The following EIF4E3 variants were observed in gnomAD, a reference collection of about 807,000 sequenced individuals.
EIF4E3 encodes eukaryotic translation initiation factor 4E family member 3, also known as eukaryotic translation initiation factor 4E type 3.
Under a neutral mutation model 31.7 loss-of-function variants are expected in EIF4E3, and 26 were observed. That is an observed-to-expected ratio of 0.82 (90% CI 0.60 to 1.14). EIF4E3 has a LOEUF of 1.14. EIF4E3 is among the 50% of genes most tolerant of loss of function. The pLI, the probability that EIF4E3 is intolerant of heterozygous loss-of-function variation, is 0.00. For synonymous variants in EIF4E3, 128 were observed against 107.7 expected (o/e 1.19, Z -1.17); for missense variants, 304 against 270.9 (o/e 1.12, Z -0.86).
intron 1 of EIF4E3, among the ~76,000 whole-genome samples, chr3:71,712,651 T>C (rs2049398375): frequency 6.8e-6 from 1 of 147,154 alleles, no homozygotes; most frequent in Non-Finnish European, 1.5e-5. Context: ...GGGGAGATTC[T>C]AGGGCTCAAA....
At chr3:71,716,401 T>C (rs1179165052) in intron 1 of EIF4E3, among the ~76,000 whole-genome samples, 1 of 152,022 alleles carries the variant, frequency 6.6e-6, no homozygotes, top group African/African-American at 2.4e-5. Context: ...CCCAGCTAAT[T>C]TTTTTGTATT....
intron 2 of EIF4E3, among the ~76,000 whole-genome samples, chr3:71,701,533 G>C (rs1245888525): frequency 6.6e-6 from 1 of 152,164 alleles, no homozygotes; most frequent in Non-Finnish European, 1.5e-5. Flanking sequence ...GTGCAAATAA[G>C]AAATATTGTT....
chr3:71,695,886 G>T (rs1417089229), intron 4 of EIF4E3, among the ~76,000 whole-genome samples: 1 of 152,158 alleles, frequency 6.6e-6, no homozygotes, highest in Non-Finnish European at 1.5e-5. Context: ...GCTCACTCTG[G>T]GAAATCTGGG....
chr3:71,749,934 A>G (rs1441186605), intron 1 of EIF4E3, among the ~76,000 whole-genome samples: 1 of 152,182 alleles, frequency 6.6e-6, no homozygotes, highest in East Asian at 1.9e-4. Flanking sequence ...TTCCTTAAGT[A>G]TTAATCTACT....
chr3:71,709,681 A>C (rs1160521394), intron 2 of EIF4E3, among the ~76,000 whole-genome samples: 2 of 152,122 alleles, frequency 1.3e-5, no homozygotes, highest in African/African-American at 2.4e-5. Context: ...ACGCCTGGCC[A>C]GTTGTGTTTT....
At chr3:71,721,137 T>C (rs573354868) in intron 1 of EIF4E3, among the ~76,000 whole-genome samples, 1 of 152,196 alleles carries the variant, frequency 6.6e-6, no homozygotes, top group Non-Finnish European at 1.5e-5. Context: ...CGAAGAGAGC[T>C]GAAGGCTGGA....
chr3:71,731,561 C>A (rs1314411551), intron 1 of EIF4E3, among the ~76,000 whole-genome samples: 17 of 152,190 alleles, frequency 1.1e-4, no homozygotes, highest in Non-Finnish European at 2.2e-4. Context: ...CTTTGTCCAC[C>A]CAGTGCCTAG....
At position 71,678,272 on chromosome 3, in the gene EIF4E3, G is replaced by A. The variant is rs993491574; in HGVS notation, c.*6410C>T. The A allele has an allele frequency of 6.6e-6, 1 of 152,154 alleles. No homozygotes were observed. Among genetic ancestry groups the A allele is most frequent in the African/African-American group, 2.4e-5 (1 of 41,438 alleles). 9.4% of individuals were successfully genotyped at this position (152,154 alleles called of 1,614,324 possible). ...CTATAAGAACCTCAATACAGAATGA[G>A]AATTAGTAGCAACAGATTACAAAAG... On this transcript the variant is annotated 3_prime_UTR_variant, in exon 7 of 7. Transcript: ENST00000425534.
intron 2 of EIF4E3, 52 bp from the exon 3 acceptor site, chr3:71,699,760 A>C: frequency 1.4e-6 from 2 of 1,455,448 alleles, no homozygotes; most frequent in South Asian, 1.2e-5. Context: ...TTGATTTATT[A>C]TGCTGCTAGA....
In EIF4E3 at chr3:71,678,244, A is replaced by G. The variant is rs1282009956; in HGVS notation, c.*6438T>C. On this transcript the variant is annotated 3_prime_UTR_variant, in exon 7 of 7. Transcript: ENST00000425534. Reference sequence around the variant, plus strand: ...ACTGGAGGATGAAAATGACATTTCTATACTATAAGAACCTCAATACAGAAT... The same window carrying G: ...ACTGGAGGATGAAAATGACATTTCTGTACTATAAGAACCTCAATACAGAAT... 1.3e-5 allele frequency: 2 copies of G among 152,208 alleles called. No homozygotes were observed. The highest frequency in any genetic ancestry group is 6.5e-5 in the Admixed American group (1 of 15,280). 9.4% of individuals were successfully genotyped at this position (152,208 alleles called of 1,614,324 possible).
intron 1 of EIF4E3, among the ~76,000 whole-genome samples, chr3:71,712,906 T>C (rs1264233538): frequency 6.6e-6 from 1 of 151,500 alleles, no homozygotes; most frequent in Non-Finnish European, 1.5e-5. Context: ...TGGTTCTTTT[T>C]AAATGCCTCC....
intron 3 of EIF4E3, among the ~76,000 whole-genome samples, chr3:71,698,251 G>A (rs1417695618): frequency 6.6e-6 from 1 of 152,204 alleles, no homozygotes; most frequent in East Asian, 1.9e-4. Flanking sequence ...CAGGGAGGGT[G>A]AAAGGACTTG....
At chr3:71,750,168 C>T (rs1197120646) in intron 1 of EIF4E3, among the ~76,000 whole-genome samples, 7 of 152,156 alleles carry the variant, frequency 4.6e-5, no homozygotes, top group Non-Finnish European at 8.8e-5. Context: ...AAAAATAAAT[C>T]TCTCCCCATT....
chr3:71,697,623 T>C (rs567663813), intron 3 of EIF4E3, among the ~76,000 whole-genome samples: 1 of 149,098 alleles, frequency 6.7e-6, no homozygotes, highest in Non-Finnish European at 1.5e-5. Context: ...AGTTCAGGGT[T>C]TTTTTTTTTT....
intron 1 of EIF4E3, among the ~76,000 whole-genome samples, chr3:71,711,100 G>C (rs1281494177): frequency 6.6e-6 from 1 of 152,136 alleles, no homozygotes. Flanking sequence ...TCTTTAGTTT[G>C]CTATGTGTTC....
upstream of EIF4E3, among the ~76,000 whole-genome samples, chr3:71,753,869 G>C (rs1208957072): frequency 6.7e-6 from 1 of 148,604 alleles, no homozygotes; most frequent in Non-Finnish European, 1.5e-5. Context: ...CTGAGATGGC[G>C]GCGGCGGCAC....
In EIF4E3 at chr3:71,701,024, C is replaced by G. The variant is rs543489654; in HGVS notation, c.250-1316G>C. Among the ~76,000 whole-genome samples the G allele has an allele frequency of 8.5e-5, 13 of 152,226 alleles. No homozygotes were observed. The South Asian group carries it at 2.7e-3, about 32-fold the overall frequency. Reference sequence around the variant, plus strand: ...GATACAAGGAGAGGATGGCCATGTACAAACGAGGAAGAGGGCCCTCACCTG... The same window carrying G: ...GATACAAGGAGAGGATGGCCATGTAGAAACGAGGAAGAGGGCCCTCACCTG... On this transcript the variant is annotated intron_variant, in intron 2 of 6. Coordinates refer to ENST00000425534, the MANE Select transcript of EIF4E3 (RefSeq NM_001134651.2).
In EIF4E3 at chr3:71,677,009, G is replaced by C. The variant is rs1346614222; in HGVS notation, c.*7673C>G. On this transcript the variant is annotated 3_prime_UTR_variant, in exon 7 of 7. Coordinates refer to ENST00000425534, the MANE Select transcript of EIF4E3 (RefSeq NM_001134651.2). ...TTCCTGAGTTAAAGAGGAAATTGGGGAGTAAGAGCTTGTCCACATCTTTAA... is the reference window on the plus strand; with the variant it reads ...TTCCTGAGTTAAAGAGGAAATTGGGCAGTAAGAGCTTGTCCACATCTTTAA... The C allele has an allele frequency of 6.6e-6, 1 of 152,200 alleles. No individual in the cohort carries two copies. Among genetic ancestry groups the C allele is most frequent in the South Asian group, 2.1e-4 (1 of 4,830 alleles). The allele number at this position is 152,200 out of a possible 1,614,324, so 9.4% of individuals were successfully genotyped here. A position where few individuals can be genotyped will look rare whatever the true frequency, so the allele number is the denominator to read the frequency against.
At chr3:71,724,801 C>G (rs2049605655) in intron 1 of EIF4E3, among the ~76,000 whole-genome samples, 1 of 152,206 alleles carries the variant, frequency 6.6e-6, no homozygotes, top group African/African-American at 2.4e-5. Flanking sequence ...GTCCTGAGCT[C>G]CCAGGCGCCC....
Sources: gnomAD v4.1 joint callset for allele counts (sites outside exome capture counted in the v4.1 genomes callset) on GRCh38, gnomAD v4.1.1 for gene constraint, MANE v1.5 for transcripts, NCBI Gene and HGNC (gene_info 2026-07-23, HGNC 2026-07-21) for gene names.